The following RERE variants were observed in gnomAD, a reference collection of about 807,000 sequenced individuals.
RERE encodes arginine-glutamic acid dipeptide repeats, also known as arginine-glutamic acid dipeptide repeats protein.
A neutral mutation model predicts 146.1 loss-of-function variants in RERE; 40 were observed. The ratio of observed to expected loss-of-function variants is 0.27; its 90% confidence interval spans 0.21 to 0.36. The LOEUF is 0.36. Ranked by LOEUF, RERE falls within the 10% of genes least tolerant of loss-of-function variation. RERE has a pLI of 1.00. For synonymous variants in RERE, 1,003 were observed against 866.0 expected, an observed-to-expected ratio of 1.16 and a Z score of -2.78; for missense variants, 1,933 against 2,138.7, an observed-to-expected ratio of 0.90 and a Z score of 1.90.
rs143082986 is a variant in RERE at position 8,371,128 on chromosome 1, C to A, written c.1285-5154G>T. On this transcript the variant is annotated intron_variant, in intron 12 of 22. Coordinates refer to ENST00000400908, the MANE Select transcript of RERE (RefSeq NM_001042681.2). ...TGGGAAAGGAAGAGGGCGAAGTCAT[C>A]TCCAACTGACAGTGTTCCCGGCTGC... Among the ~76,000 whole-genome samples, 271 of 152,360 alleles carry A rather than the reference C, an allele frequency of 1.8e-3. 1 individual carries two copies. Among genetic ancestry groups the A allele is most frequent in the African/African-American group, 6.4e-3 (266 of 41,592 alleles).
At chr1:8,805,073 T>C (rs1328585538) in intron 1 of RERE, among the ~76,000 whole-genome samples, 2 of 144,522 alleles carry the variant, frequency 1.4e-5, no homozygotes, top group Non-Finnish European at 3.0e-5. Context: ...TGCAGTGGCG[T>C]GATTTCGGCT....
chr1:8,728,580 G>T (rs1022193245), intron 1 of RERE, among the ~76,000 whole-genome samples: 3 of 152,040 alleles, frequency 2.0e-5, no homozygotes, highest in Non-Finnish European at 4.4e-5. Flanking sequence ...AGTTATTTGA[G>T]ATCAGCAGTA....
intron 1 of RERE, among the ~76,000 whole-genome samples, chr1:8,683,586 G>A (rs1335723731): frequency 1.3e-5 from 2 of 152,044 alleles, no homozygotes; most frequent in African/African-American, 4.8e-5. Flanking sequence ...ATAAAACACA[G>A]AAAATATTCA....
intron 1 of RERE, among the ~76,000 whole-genome samples, chr1:8,761,779 G>A (rs993472271): frequency 3.3e-5 from 5 of 151,946 alleles, no homozygotes; most frequent in Non-Finnish European, 7.4e-5. Context: ...AAAAATAGTC[G>A]GGCGTGGTGG....
At chr1:8,556,883 C>T (rs1646014130) in intron 5 of RERE, among the ~76,000 whole-genome samples, 1 of 152,150 alleles carries the variant, frequency 6.6e-6, no homozygotes, top group Non-Finnish European at 1.5e-5. Flanking sequence ...GCACCTCCTT[C>T]AACTACCAAA....
intron 7 of RERE, among the ~76,000 whole-genome samples, chr1:8,516,578 G>A (rs549130851): frequency 2.0e-5 from 3 of 152,232 alleles, no homozygotes; most frequent in East Asian, 3.9e-4. Context: ...GAGACGTTAC[G>A]CAGTTGCCCA....
intron 4 of RERE, among the ~76,000 whole-genome samples, chr1:8,614,272 T>C (rs899532490): frequency 9.2e-5 from 14 of 152,092 alleles, no homozygotes; most frequent in Admixed American, 4.6e-4. Context: ...GTTGCCAACA[T>C]CCATACTCGC....
chr1:8,756,671 T>C (rs1640644664), intron 1 of RERE, among the ~76,000 whole-genome samples: 1 of 152,264 alleles, frequency 6.6e-6, no homozygotes, highest in Admixed American at 6.5e-5. Context: ...TATATCTTTT[T>C]GAAAGTTTTC....
intron 11 of RERE, among the ~76,000 whole-genome samples, chr1:8,449,158 T>C (rs1351770081): frequency 6.6e-6 from 1 of 152,108 alleles, no homozygotes; most frequent in African/African-American, 2.4e-5. Flanking sequence ...GGCAGAAACA[T>C]TTTGTGGCCT....
intron 1 of RERE, among the ~76,000 whole-genome samples, chr1:8,765,500 T>C (rs1454680505): frequency 6.6e-6 from 1 of 152,184 alleles, no homozygotes; most frequent in East Asian, 1.9e-4. Context: ...GATATGTGAA[T>C]TGTATCTCAA....
chr1:8,500,445 C>T (rs1209996978), intron 8 of RERE, among the ~76,000 whole-genome samples: 3 of 152,234 alleles, frequency 2.0e-5, no homozygotes, highest in Non-Finnish European at 1.5e-5. Context: ...CTCCTGACCG[C>T]GAGTGATCCG....
At chr1:8,539,753 T>C (rs1645775303) in intron 7 of RERE, among the ~76,000 whole-genome samples, 1 of 152,210 alleles carries the variant, frequency 6.6e-6, no homozygotes, top group Non-Finnish European at 1.5e-5. Flanking sequence ...ATGAGCATTA[T>C]ATTACTATCC....
chr1:8,738,809 T>TA (rs1640253444), intron 1 of RERE, among the ~76,000 whole-genome samples: 2 of 152,320 alleles, frequency 1.3e-5, no homozygotes, highest in South Asian at 4.1e-4. Flanking sequence ...GAACAGGCTG[T>TA]AACCTACAGG....
intron 1 of RERE, among the ~76,000 whole-genome samples, chr1:8,719,854 C>T (rs1044648114): frequency 1.3e-5 from 2 of 152,102 alleles, no homozygotes; most frequent in African/African-American, 4.8e-5. Flanking sequence ...TCTACTGCTG[C>T]GTTTCTCACA....
intron 1 of RERE, among the ~76,000 whole-genome samples, chr1:8,805,638 A>C (rs567148311): frequency 2.8e-3 from 416 of 147,922 alleles, no homozygotes; most frequent in Non-Finnish European, 4.8e-3. Context: ...GATAAGAGTG[A>C]GAATCCGTCT....
At chr1:8,789,292 A>C (rs1425338459) in intron 1 of RERE, among the ~76,000 whole-genome samples, 1 of 106,360 alleles carries the variant, frequency 9.4e-6, no homozygotes, top group African/African-American at 4.4e-5. Flanking sequence ...CAAAAAAAAA[A>C]AAAAAAAAAA....
intron 4 of RERE, among the ~76,000 whole-genome samples, chr1:8,613,832 A>G (rs1166364266): frequency 6.6e-6 from 1 of 152,178 alleles, no homozygotes; most frequent in African/African-American, 2.4e-5. Flanking sequence ...TCCTCCATTA[A>G]GTCCTACCAT....
chr1:8,690,705 G>A (rs1470768398), intron 1 of RERE, among the ~76,000 whole-genome samples: 1 of 152,096 alleles, frequency 6.6e-6, no homozygotes, highest in Admixed American at 6.5e-5. Context: ...GGGTCACACA[G>A]GCTACAAAGC....
Position 8,535,089 on chromosome 1 carries a change from G to C in RERE, c.830+6125C>G, listed in dbSNP as rs148821045. On this transcript the variant is annotated intron_variant, in intron 7 of 22. Coordinates refer to ENST00000400908, the MANE Select transcript of RERE (RefSeq NM_001042681.2). The stretch of plus-strand genomic sequence containing the variant: ...ATCTAGGCTGCAGTGCACTTAAACC[G>C]TACCTACGAATAGCCACCTCACTCT... Among the ~76,000 whole-genome samples, 113 of 152,062 alleles carry C rather than the reference G, an allele frequency of 7.4e-4. 1 individual carries two copies. Among genetic ancestry groups the C allele is most frequent in the Non-Finnish European group, 1.3e-3 (89 of 67,972 alleles).
Sources: allele counts gnomAD v4.1 joint callset (sites outside exome capture counted in the v4.1 genomes callset), GRCh38; gene constraint gnomAD v4.1.1; transcripts MANE v1.5; gene names NCBI Gene and HGNC (gene_info 2026-07-23, HGNC 2026-07-21).